The following BLVRA variants were observed in gnomAD, a reference collection of about 807,000 sequenced individuals.
BLVRA encodes the protein biliverdin reductase A.
A neutral mutation model predicts 32.8 loss-of-function variants in BLVRA; 22 were observed. The ratio of observed to expected loss-of-function variants is 0.67; its 90% CI spans 0.48 to 0.96. The LOEUF (loss-of-function observed/expected upper bound fraction) is 0.96. BLVRA is among the 40% of genes least tolerant of loss of function. The pLI is 0.00. For synonymous variants in BLVRA, 119 were observed against 141.3 expected, an observed-to-expected ratio of 0.84 and a Z score of 1.12; for missense variants, 323 against 358.1, an observed-to-expected ratio of 0.90 and a Z score of 0.79.
intron 1 of BLVRA, among the ~76,000 whole-genome samples, chr7:43,762,964 G>A (rs930933152): frequency 3.3e-5 from 5 of 152,138 alleles, no homozygotes; most frequent in Non-Finnish European, 7.3e-5. Context: ...GTGCTGGGGG[G>A]AAAACGGTAT....
At chr7:43,793,507 G>T (rs2095788431) in intron 5 of BLVRA, among the ~76,000 whole-genome samples, 1 of 152,166 alleles carries the variant, frequency 6.6e-6, no homozygotes, top group South Asian at 2.1e-4. Context: ...ACTTTCCCAG[G>T]CCAGACGCAG....
chr7:43,806,959 T>C lies in BLVRA; in HGVS notation c.633-18T>C, dbSNP rs1460873089. ...TGTGTAATCTCTAACATGATTCTTTTGTCTTTTGTCTTTGCAGTCCACTGT... is the reference window on the plus strand; with the variant it reads ...TGTGTAATCTCTAACATGATTCTTTCGTCTTTTGTCTTTGCAGTCCACTGT... On this transcript the variant is annotated intron_variant, in intron 7 of 7. Coordinates refer to ENST00000265523, the MANE Select transcript of BLVRA (RefSeq NM_000712.4). 2.5e-6 allele frequency: 4 copies of C among 1,613,134 alleles called. No homozygotes were observed. The highest frequency in any genetic ancestry group is 3.4e-6 in the Non-Finnish European group (4 of 1,179,956).
At chr7:43,768,176 CTGTTA>C (rs2095750273) in intron 1 of BLVRA, among the ~76,000 whole-genome samples, 1 of 152,184 alleles carries the variant, frequency 6.6e-6, no homozygotes. Flanking sequence ...ATCATTCTGC[CTGTTA>C]TAAGAGTTAC....
At position 43,787,248 on chromosome 7, in the gene BLVRA, T is replaced by C. The variant is rs2095778930; in HGVS notation, c.13-656T>C. 1.3e-5 allele frequency among the ~76,000 whole-genome samples: 2 copies of C among 152,236 alleles called. No individual in the cohort carries two copies. The highest frequency in any genetic ancestry group is 4.1e-4 in the South Asian group (2 of 4,828). On this transcript the variant is annotated intron_variant, in intron 2 of 7. Coordinates refer to ENST00000265523, the MANE Select transcript of BLVRA (RefSeq NM_000712.4). The surrounding 1 kb of genome is among the most constrained non-coding windows in gnomAD (Gnocchi z 4.5). ...CATGGAGATAAATTTTATCAGTTTT[T>C]ATTATACTGAGTTGCTGTATAACTT...
In BLVRA at chr7:43,787,794, G is replaced by T; in HGVS notation, c.13-110G>T. ...GATGCTGTGGCTTCCTGTGTGTTTTGGGCTGGCTTCCATCTTGCTCGTCGG... is the reference window on the plus strand; with the variant it reads ...GATGCTGTGGCTTCCTGTGTGTTTTTGGCTGGCTTCCATCTTGCTCGTCGG... On this transcript the variant is annotated intron_variant, in intron 2 of 7. Transcript: ENST00000265523. This position sits in a 1 kb window ranked among gnomAD's most constrained non-coding sequence, Gnocchi z 4.5. 6.5e-7 allele frequency: 1 copy of T among 1,538,820 alleles called. No homozygotes were observed. Among genetic ancestry groups the T allele is most frequent in the Non-Finnish European group, 9.0e-7 (1 of 1,113,412 alleles).
intron 2 of BLVRA, among the ~76,000 whole-genome samples, chr7:43,784,292 C>T (rs1202901918): frequency 1.3e-5 from 2 of 152,170 alleles, no homozygotes; most frequent in Non-Finnish European, 2.9e-5. Context: ...AAGTCCATTG[C>T]TCCCTCCTCC....
chr7:43,762,926 G>A (rs539578632), intron 1 of BLVRA, among the ~76,000 whole-genome samples: 1 of 151,976 alleles, frequency 6.6e-6, no homozygotes, highest in Non-Finnish European at 1.5e-5. Context: ...CCTTAACCCA[G>A]TAGTTGTTAC....
intron 5 of BLVRA, among the ~76,000 whole-genome samples, chr7:43,795,531 A>G (rs1397077352): frequency 2.0e-5 from 3 of 152,154 alleles, no homozygotes; most frequent in Non-Finnish European, 4.4e-5. Flanking sequence ...ACAAAACAAT[A>G]CAAAACTGAC....
At chr7:43,778,907 A>G (rs756775760) in intron 2 of BLVRA, among the ~76,000 whole-genome samples, 19 of 152,174 alleles carry the variant, frequency 1.2e-4, no homozygotes, top group Non-Finnish European at 2.2e-4. Context: ...TTGATCTCAG[A>G]CTGCTGTGCT....
intron 2 of BLVRA, among the ~76,000 whole-genome samples, chr7:43,785,842 A>G (rs930403730): frequency 5.3e-5 from 8 of 152,244 alleles, no homozygotes; most frequent in African/African-American, 1.7e-4. Context: ...TTTAAAGTAG[A>G]CTGTGGTAAG....
chr7:43,779,160 A>G (rs2095765676), intron 2 of BLVRA, among the ~76,000 whole-genome samples: 1 of 152,210 alleles, frequency 6.6e-6, no homozygotes, highest in South Asian at 2.1e-4. Context: ...CACTGCACCC[A>G]CTGTCTGGCA....
chr7:43,764,838 C>T (rs1462992105), intron 1 of BLVRA, among the ~76,000 whole-genome samples: 2 of 148,574 alleles, frequency 1.3e-5, no homozygotes, highest in African/African-American at 4.9e-5. Flanking sequence ...ACATAAGGGT[C>T]ATCTAAGTTC....
In BLVRA at chr7:43,787,857, G is replaced by C; in HGVS notation, c.13-47G>C. 5.6e-6 allele frequency: 9 copies of C among 1,614,010 alleles called. No homozygotes were observed. Among genetic ancestry groups the C allele is most frequent in the Middle Eastern group, 1.6e-4 (1 of 6,062 alleles). On this transcript the variant is annotated intron_variant, in intron 2 of 7. Transcript: ENST00000265523. This position sits in a 1 kb window ranked among gnomAD's most constrained non-coding sequence, Gnocchi z 4.5. Reference sequence around the variant, plus strand: ...TCCTTTGTTTTGTAGTTTTCTGCTCGATGCCTACAGTGTTTTCAGACTCCA... The same window carrying C: ...TCCTTTGTTTTGTAGTTTTCTGCTCCATGCCTACAGTGTTTTCAGACTCCA...
At chr7:43,786,917 C>T (rs1341766740) in intron 2 of BLVRA, among the ~76,000 whole-genome samples, 2 of 149,740 alleles carry the variant, frequency 1.3e-5, no homozygotes, top group Non-Finnish European at 3.0e-5. Flanking sequence ...TTAAGGGATG[C>T]ATGGAGATAA....
In BLVRA at chr7:43,804,449, A is replaced by G. The variant is rs1352183051; in HGVS notation, c.632+602A>G. On this transcript the variant is annotated intron_variant, in intron 7 of 7. Coordinates refer to ENST00000265523, the MANE Select transcript of BLVRA (RefSeq NM_000712.4). ...GAGCGAGACTCCTTCTTGAAAAAAA[A>G]GAAAAGAAAAAGAAATTATGTTAAC... Among the ~76,000 whole-genome samples the G allele has an allele frequency of 4.7e-5, 7 of 149,522 alleles. No homozygotes were observed. In the East Asian group the frequency reaches 1.2e-3, roughly 25 times the overall value.
chr7:43,798,197 CAAAAA>C (rs56855757), intron 5 of BLVRA, among the ~76,000 whole-genome samples: 3 of 45,198 alleles, frequency 6.6e-5, no homozygotes, highest in Non-Finnish European at 1.2e-4. Context: ...CCCCATCTCA[CAAAAA>C]AAAAAAAAAA....
intron 1 of BLVRA, among the ~76,000 whole-genome samples, chr7:43,766,592 G>A (rs1241334888): frequency 6.6e-6 from 1 of 152,190 alleles, no homozygotes; most frequent in Non-Finnish European, 1.5e-5. Flanking sequence ...CAATGGGGAG[G>A]AAAGGAGAGG....
At chr7:43,789,507 C>T (rs1281587597) in intron 3 of BLVRA, among the ~76,000 whole-genome samples, 3 of 151,810 alleles carry the variant, frequency 2.0e-5, no homozygotes, top group African/African-American at 4.8e-5. Flanking sequence ...CAGGCAGCAC[C>T]GTAACCCCCA....
intron 2 of BLVRA, among the ~76,000 whole-genome samples, chr7:43,783,962 A>C (rs1001227545): frequency 6.6e-6 from 1 of 152,022 alleles, no homozygotes; most frequent in African/African-American, 2.4e-5. Flanking sequence ...TATCTCAAAA[A>C]AAATTTTTTT....
Sources: gnomAD v4.1 joint callset for allele counts (sites outside exome capture counted in the v4.1 genomes callset) on GRCh38, gnomAD v4.1.1 for gene constraint, Gnocchi (gnomAD v3.1) non-coding constraint, MANE v1.5 for transcripts, NCBI Gene and HGNC (gene_info 2026-07-23, HGNC 2026-07-21) for gene names.